The following ABTB3 variants were observed in gnomAD, a reference collection of about 807,000 sequenced individuals.
The protein encoded by ABTB3 is ankyrin repeat- and BTB/POZ domain-containing protein 3.
chr12:107,343,723 G>T, the ABTB3 span, among the ~76,000 whole-genome samples: 1 of 152,170 alleles, frequency 6.6e-6, no homozygotes, highest in Non-Finnish European at 1.5e-5. Context: ...GTTCTGCATG[G>T]CTCGGGAGGC....
At chr12:107,517,119 T>C in the ABTB3 span, among the ~76,000 whole-genome samples, 13 of 152,338 alleles carry the variant, frequency 8.5e-5, no homozygotes, top group East Asian at 1.3e-3. Context: ...ATTTGTTAAA[T>C]AGGGAATCCT....
the ABTB3 span, among the ~76,000 whole-genome samples, chr12:107,359,779 T>G: frequency 6.6e-6 from 1 of 152,112 alleles, no homozygotes; most frequent in Non-Finnish European, 1.5e-5. Flanking sequence ...TCAGGGACTT[T>G]AAGTAACTTG....
At chr12:107,470,006 TTCTTTCTCTCTC>T in the ABTB3 span, among the ~76,000 whole-genome samples, 60 of 47,250 alleles carry the variant, frequency 1.3e-3, 7 homozygotes, top group African/African-American at 7.7e-3. Flanking sequence ...CTTTCTTTCT[TTCTTTCTCTCTC>T]TCTCTCTCTC....
chr12:107,534,886 T>C, the ABTB3 span, among the ~76,000 whole-genome samples: 1 of 152,212 alleles, frequency 6.6e-6, no homozygotes, highest in East Asian at 1.9e-4. Flanking sequence ...ACACCAATTT[T>C]TCTCGAACTA....
the ABTB3 span, among the ~76,000 whole-genome samples, chr12:107,455,782 G>A: frequency 6.6e-6 from 1 of 152,134 alleles, no homozygotes; most frequent in African/African-American, 2.4e-5. Context: ...CTGCAGGCTG[G>A]TCTAGGACGG....
chr12:107,491,209 C>T, the ABTB3 span, among the ~76,000 whole-genome samples: 2 of 152,168 alleles, frequency 1.3e-5, no homozygotes, highest in Admixed American at 6.5e-5. Context: ...ATGGCTCCTT[C>T]GCCCTGAGCC....
At chr12:107,519,137 A>C in the ABTB3 span, among the ~76,000 whole-genome samples, 1 of 152,116 alleles carries the variant, frequency 6.6e-6, no homozygotes, top group African/African-American at 2.4e-5. Flanking sequence ...TCTCAGTGGC[A>C]TACCAAATAA....
the ABTB3 span, among the ~76,000 whole-genome samples, chr12:107,424,818 A>G: frequency 6.6e-6 from 1 of 152,004 alleles, no homozygotes; most frequent in Non-Finnish European, 1.5e-5. Flanking sequence ...AGCTCCTCCC[A>G]GCTCCTCACC....
chr12:107,408,265 TAA>T, the ABTB3 span, among the ~76,000 whole-genome samples: 6 of 152,244 alleles, frequency 3.9e-5, no homozygotes, highest in Non-Finnish European at 7.3e-5. Flanking sequence ...AAGTGCTTTT[TAA>T]AAAGTTGATA....
the ABTB3 span, among the ~76,000 whole-genome samples, chr12:107,533,974 T>TCCA: frequency 2.8e-4 from 42 of 152,242 alleles, no homozygotes; most frequent in South Asian, 2.5e-3. Flanking sequence ...ACGAGGAACT[T>TCCA]TGGAAATACA....
At chr12:107,598,135 A>G in the ABTB3 span, among the ~76,000 whole-genome samples, 4 of 152,234 alleles carry the variant, frequency 2.6e-5, no homozygotes, top group African/African-American at 4.8e-5. Flanking sequence ...GCTTCCTTTT[A>G]AGCAAATGAC....
At chr12:107,547,378 T>G in the ABTB3 span, among the ~76,000 whole-genome samples, 1 of 152,216 alleles carries the variant, frequency 6.6e-6, no homozygotes, top group Non-Finnish European at 1.5e-5. Context: ...TCAGCACAGT[T>G]GCCCAGCTCC....
At chr12:107,587,167 C>G in the ABTB3 span, among the ~76,000 whole-genome samples, 1 of 152,170 alleles carries the variant, frequency 6.6e-6, no homozygotes, top group Non-Finnish European at 1.5e-5. Context: ...AAGGCAGGGC[C>G]GAACTCACCA....
At chr12:107,441,871 T>C in the ABTB3 span, among the ~76,000 whole-genome samples, 1 of 151,658 alleles carries the variant, frequency 6.6e-6, no homozygotes. Context: ...GCCCTGGAGG[T>C]TGAGGCTGCA....
chr12:107,497,228 C>T, the ABTB3 span, among the ~76,000 whole-genome samples: 20 of 138,012 alleles, frequency 1.4e-4, no homozygotes, highest in Non-Finnish European at 6.5e-5. Context: ...CCCACCTCTA[C>T]GCTCACCACC....
At chr12:107,384,582 A>T in the ABTB3 span, among the ~76,000 whole-genome samples, 10 of 152,322 alleles carry the variant, frequency 6.6e-5, no homozygotes, top group African/African-American at 2.2e-4. Context: ...GCAGAACTGG[A>T]CAGAGAGAGA....
At chr12:107,557,090 C>A in the ABTB3 span, among the ~76,000 whole-genome samples, 1 of 152,158 alleles carries the variant, frequency 6.6e-6, no homozygotes, top group Non-Finnish European at 1.5e-5. Context: ...AATCTCCTGA[C>A]ACAAATTGCT....
chr12:107,508,438 C>CTTTTTTTTTTT, the ABTB3 span, among the ~76,000 whole-genome samples: 387 of 69,148 alleles, frequency 5.6e-3, 71 homozygotes, highest in Non-Finnish European at 8.2e-3. Context: ...AAGATCATTT[C>CTTTTTTTTTTT]TTTTTTTTTT....
the ABTB3 span, among the ~76,000 whole-genome samples, chr12:107,561,172 T>C: frequency 6.6e-6 from 1 of 152,156 alleles, no homozygotes; most frequent in Non-Finnish European, 1.5e-5. Flanking sequence ...ATTAGTCCCT[T>C]ACATAGAATC....
Sources: allele counts gnomAD v4.1 joint callset (sites outside exome capture counted in the v4.1 genomes callset), GRCh38; gene constraint gnomAD v4.1.1; transcripts MANE v1.5; gene names NCBI Gene and HGNC (gene_info 2026-07-23, HGNC 2026-07-21).